GRIA3: variants seen among roughly 807,000 people sequenced by gnomAD.
GRIA3 encodes glutamate ionotropic receptor AMPA type subunit 3, also known as glutamate receptor 3.
Under a neutral mutation model 63.0 loss-of-function variants are expected in GRIA3, and 3 were observed. That is an observed-to-expected ratio of 0.05 (90% CI 0.02 to 0.12). The LOEUF is 0.12. GRIA3 is among the 10% of genes least tolerant of loss of function. The probability of loss-of-function intolerance (pLI) is 1.00; values close to 1 mark genes in which losing one functional copy is unlikely to be tolerated. For synonymous variants in GRIA3, 274 were observed against 257.9 expected (o/e 1.06, Z -0.60); for missense variants, 347 against 700.9 (o/e 0.50, Z 5.70).
chrX:123,364,363 T>A (rs1294829283), intron 5 of GRIA3, among the ~76,000 whole-genome samples: 1 of 111,594 alleles, frequency 9.0e-6, no homozygotes, highest in Non-Finnish European at 1.9e-5. Context: ...TATGTAATCA[T>A]TGGGAAGGGG....
At chrX:123,403,590 A>G (rs2045454867) in intron 9 of GRIA3, 71 bp downstream of exon 9, 1 of 689,820 alleles carries the variant, frequency 1.4e-6, no homozygotes, top group Admixed American at 2.2e-5. Flanking sequence ...GTATTTTTCC[A>G]CCAGTAGAAA....
intron 11 of GRIA3, among the ~76,000 whole-genome samples, chrX:123,422,078 T>G (rs2045566822): frequency 8.9e-6 from 1 of 112,320 alleles, no homozygotes; most frequent in Admixed American, 9.4e-5. Context: ...GTTTGTTCCA[T>G]TCCTCTCCTC....
intron 3 of GRIA3, among the ~76,000 whole-genome samples, chrX:123,261,849 G>A (rs2044461865): frequency 1.8e-5 from 2 of 111,780 alleles, no homozygotes; most frequent in Admixed American, 1.9e-4. Flanking sequence ...TGCATTAGCT[G>A]TTTGAAATGG....
At chrX:123,328,979 A>G (rs1191899527) in intron 4 of GRIA3, among the ~76,000 whole-genome samples, 1 of 112,210 alleles carries the variant, frequency 8.9e-6, no homozygotes, top group African/African-American at 3.2e-5. Context: ...AAATACAGAG[A>G]TATCTATCAC....
intron 12 of GRIA3, among the ~76,000 whole-genome samples, chrX:123,445,437 C>T (rs1348327536): frequency 5.4e-5 from 6 of 112,148 alleles, no homozygotes; most frequent in African/African-American, 1.9e-4. Flanking sequence ...TTTGGAGATG[C>T]AGTACAGTAT....
At chrX:123,279,201 A>G (rs1183099631) in intron 3 of GRIA3, among the ~76,000 whole-genome samples, 1 of 111,680 alleles carries the variant, frequency 9.0e-6, no homozygotes, top group African/African-American at 3.3e-5. Flanking sequence ...GGTGGTTACC[A>G]GAGGATAGGG....
intron 12 of GRIA3, among the ~76,000 whole-genome samples, chrX:123,463,294 T>C: frequency 9.1e-6 from 1 of 109,294 alleles, no homozygotes; most frequent in East Asian, 2.9e-4. Flanking sequence ...ACGCCTGTAA[T>C]CCCAACACTT....
At chrX:123,437,709 G>A (rs925644175) in intron 12 of GRIA3, among the ~76,000 whole-genome samples, 3 of 111,469 alleles carry the variant, frequency 2.7e-5, no homozygotes, top group Non-Finnish European at 5.7e-5. Context: ...TAACATTTAT[G>A]AGCAAAAGGA....
chrX:123,464,736 C>A (rs1207520830), intron 12 of GRIA3, 129 bp from the exon 13 acceptor site: 1 of 556,461 alleles, frequency 1.8e-6, no homozygotes, highest in Non-Finnish European at 3.0e-6. Flanking sequence ...TATGAACGTG[C>A]CTACTAGGTT....
intron 5 of GRIA3, among the ~76,000 whole-genome samples, chrX:123,379,078 G>C (rs768733512): frequency 2.7e-5 from 3 of 110,728 alleles, no homozygotes; most frequent in African/African-American, 9.9e-5. Context: ...AATGAATTCT[G>C]GCAAGAGTTA....
At chrX:123,308,136 G>A (rs937023318) in intron 3 of GRIA3, among the ~76,000 whole-genome samples, 1 of 111,835 alleles carries the variant, frequency 8.9e-6, no homozygotes, top group East Asian at 2.8e-4. Flanking sequence ...AATCTCCACT[G>A]CAGCCTGGGC....
At chrX:123,337,409 G>A (rs1374654209) in intron 4 of GRIA3, among the ~76,000 whole-genome samples, 3 of 111,861 alleles carry the variant, frequency 2.7e-5, no homozygotes, top group African/African-American at 9.8e-5. Flanking sequence ...CATAGCTCTA[G>A]GTATAACTGG....
At chrX:123,398,508 T>A in intron 6 of GRIA3, 128 bp from the exon 7 acceptor site, 1 of 529,437 alleles carries the variant, frequency 1.9e-6, no homozygotes, top group South Asian at 2.7e-5. Context: ...CCCAGAGAGA[T>A]CTCTTAAATA....
At chrX:123,320,611 T>A (rs2044861663) in intron 3 of GRIA3, among the ~76,000 whole-genome samples, 1 of 111,391 alleles carries the variant, frequency 9.0e-6, no homozygotes, top group Admixed American at 9.5e-5. Flanking sequence ...GAAAAGGACA[T>A]GAGGAATTAA....
chrX:123,242,946 T>C (rs1239690381), intron 2 of GRIA3, among the ~76,000 whole-genome samples: 4 of 112,390 alleles, frequency 3.6e-5, no homozygotes, highest in African/African-American at 1.3e-4. Context: ...TATATGAAAG[T>C]CATAAGCACT....
intron 3 of GRIA3, among the ~76,000 whole-genome samples, chrX:123,259,101 C>A (rs773922570): frequency 8.9e-6 from 1 of 111,869 alleles, no homozygotes; most frequent in Admixed American, 9.4e-5. Flanking sequence ...AATATGCATT[C>A]ATTAGAGCAA....
At chrX:123,446,642 A>G (rs2045704423) in intron 12 of GRIA3, among the ~76,000 whole-genome samples, 1 of 112,571 alleles carries the variant, frequency 8.9e-6, no homozygotes, top group African/African-American at 3.2e-5. Context: ...TAATAGAAAT[A>G]AGTGATTTAA....
At chrX:123,343,658 A>G (rs1249059877) in intron 4 of GRIA3, among the ~76,000 whole-genome samples, 1 of 110,398 alleles carries the variant, frequency 9.1e-6, no homozygotes, top group African/African-American at 3.3e-5. Flanking sequence ...AGAGAGATTG[A>G]GATTGAACAT....
At chrX:123,185,278 T>C (rs1455794442) in intron 1 of GRIA3, among the ~76,000 whole-genome samples, 1 of 111,741 alleles carries the variant, frequency 8.9e-6, no homozygotes, top group Non-Finnish European at 1.9e-5. Flanking sequence ...TGTGTCTGTC[T>C]GGAGCCCGGC....
Sources: gnomAD v4.1 joint callset for allele counts (sites outside exome capture counted in the v4.1 genomes callset) on GRCh38, gnomAD v4.1.1 for gene constraint, MANE v1.5 for transcripts, NCBI Gene and HGNC (gene_info 2026-07-23, HGNC 2026-07-21) for gene names.